Variants in RAB27B observed in about 807,000 individuals in gnomAD.
RAB27B encodes the protein RAB27B, member RAS oncogene family, also known as ras-related protein Rab-27B.
In RAB27B, 15 loss-of-function variants were observed where a neutral mutation model predicts 24.6. That is an observed-to-expected ratio of 0.61 (90% CI 0.41 to 0.94). RAB27B has a LOEUF of 0.94. Ranked by LOEUF, RAB27B falls within the 40% of genes least tolerant of loss-of-function variation. The pLI is 0.00. For synonymous variants in RAB27B, 105 were observed against 92.5 expected, an observed-to-expected ratio of 1.14 and a Z score of -0.78; for missense variants, 261 against 266.8, an observed-to-expected ratio of 0.98 and a Z score of 0.15.
At chr18:54,824,340 C>T (rs1568081715), upstream of RAB27B, among the ~76,000 whole-genome samples, 4 of 152,214 alleles carry the variant, frequency 2.6e-5, no homozygotes. Context: ...TTGCCTCTGA[C>T]TGATCTTTAA....
chr18:54,843,278 T>C (rs962028602), intron 1 of RAB27B, among the ~76,000 whole-genome samples: 1 of 152,170 alleles, frequency 6.6e-6, no homozygotes, highest in Non-Finnish European at 1.5e-5. Context: ...TAAATTACAA[T>C]AAATTAATGC....
intron 2 of RAB27B, among the ~76,000 whole-genome samples, chr18:54,776,756 T>C (rs1201083155): frequency 6.6e-6 from 1 of 152,188 alleles, no homozygotes; most frequent in Non-Finnish European, 1.5e-5. Flanking sequence ...CAGTGAAGGT[T>C]TGATGAATGA....
chr18:54,830,496 G>T (rs1190486030), intron 1 of RAB27B, among the ~76,000 whole-genome samples: 4 of 152,172 alleles, frequency 2.6e-5, no homozygotes, highest in Non-Finnish European at 4.4e-5. Flanking sequence ...TCTTAAGCAA[G>T]TAATTGTAAT....
chr18:54,881,166 A>G (rs1303330864), intron 3 of RAB27B, among the ~76,000 whole-genome samples: 4 of 152,290 alleles, frequency 2.6e-5, no homozygotes, highest in African/African-American at 9.6e-5. Context: ...TCATCACTCA[A>G]TGCGCTAGAA....
chr18:54,841,140 CTG>C (rs1380733360), intron 1 of RAB27B, among the ~76,000 whole-genome samples: 2 of 62,996 alleles, frequency 3.2e-5, no homozygotes, highest in African/African-American at 1.1e-4. Context: ...GAGAAAGACT[CTG>C]TCTTTGGGTG....
chr18:54,811,330 T>C (rs925550077), intron 2 of RAB27B, among the ~76,000 whole-genome samples: 96 of 152,294 alleles, frequency 6.3e-4, no homozygotes, highest in African/African-American at 2.2e-3. Context: ...TAAAGCTTGC[T>C]TTTATACATT....
chr18:54,873,012 C>T (rs1358239982), intron 1 of RAB27B, among the ~76,000 whole-genome samples: 3 of 152,186 alleles, frequency 2.0e-5, no homozygotes, highest in Non-Finnish European at 4.4e-5. Flanking sequence ...TGAGCAACTT[C>T]ATTTGAGATA....
chr18:54,841,912 A>G (rs954202285), intron 1 of RAB27B, among the ~76,000 whole-genome samples: 1 of 152,216 alleles, frequency 6.6e-6, no homozygotes, highest in South Asian at 2.1e-4. Context: ...ATAGAATAAA[A>G]TGGCTCACAA....
chr18:54,728,178 G>A (rs977770525), intron 2 of RAB27B, among the ~76,000 whole-genome samples: 1 of 152,150 alleles, frequency 6.6e-6, no homozygotes, highest in Non-Finnish European at 1.5e-5. Context: ...AAAAGCTCCA[G>A]AAAAATTCAC....
intron 2 of RAB27B, among the ~76,000 whole-genome samples, chr18:54,757,461 G>T (rs577264757): frequency 1.3e-5 from 2 of 152,184 alleles, no homozygotes; most frequent in South Asian, 4.1e-4. Context: ...ATCTTAATTT[G>T]AGAAACAACA....
chr18:54,863,059 A>G (rs930632658), intron 1 of RAB27B, among the ~76,000 whole-genome samples: 3 of 152,204 alleles, frequency 2.0e-5, no homozygotes, highest in Non-Finnish European at 4.4e-5. Context: ...TTGAATGTGT[A>G]GTGTTGTGGC....
chr18:54,751,978 G>T (rs2145033553), intron 2 of RAB27B, among the ~76,000 whole-genome samples: 1 of 152,204 alleles, frequency 6.6e-6, no homozygotes, highest in Middle Eastern at 3.4e-3. Flanking sequence ...GTCCTCAGTG[G>T]CCGCAACAGG....
intron 2 of RAB27B, among the ~76,000 whole-genome samples, chr18:54,816,598 A>G (rs12458327): frequency 0.041 from 6,247 of 152,324 alleles, 170 homozygotes; most frequent in Admixed American, 0.079. Flanking sequence ...GATAGTCTCA[A>G]AGAAAGTGAA....
At position 54,882,220 on chromosome 18, in the gene RAB27B, T is replaced by C. The variant is rs1912954065; in HGVS notation, c.240-2113T>C. On this transcript the variant is annotated intron_variant, in intron 3 of 5. Transcript: ENST00000262094. ...TGAAAATATCTCTTCTCCCATCTTT[T>C]GGTATGAAAAGTATCATTCTCTGTT... 2.0e-5 allele frequency among the ~76,000 whole-genome samples: 3 copies of C among 152,198 alleles called. No homozygotes were observed. The South Asian group carries it at 6.2e-4, about 31-fold the overall frequency.
chr18:54,801,090 G>T (rs1264254454), intron 2 of RAB27B, among the ~76,000 whole-genome samples: 2 of 133,852 alleles, frequency 1.5e-5, no homozygotes, highest in Non-Finnish European at 3.1e-5. Flanking sequence ...TAGGCTCACT[G>T]CAACCCCCGT....
At chr18:54,730,995 C>A (rs1264218482) in intron 2 of RAB27B, among the ~76,000 whole-genome samples, 1 of 152,008 alleles carries the variant, frequency 6.6e-6, no homozygotes, top group Non-Finnish European at 1.5e-5. Flanking sequence ...AAGTAATAGT[C>A]ATATGTATTT....
chr18:54,802,342 G>A (rs1294264691), intron 2 of RAB27B, among the ~76,000 whole-genome samples: 1 of 151,770 alleles, frequency 6.6e-6, no homozygotes, highest in Non-Finnish European at 1.5e-5. Context: ...AGTGCTTGGG[G>A]TACTGTCACT....
At chr18:54,856,311 G>T (rs947835054) in intron 1 of RAB27B, among the ~76,000 whole-genome samples, 5 of 152,158 alleles carry the variant, frequency 3.3e-5, no homozygotes, top group African/African-American at 1.2e-4. Context: ...GGTGAAACTT[G>T]GTTCCTTCAA....
chr18:54,744,220 T>C (rs1002034199), intron 2 of RAB27B, among the ~76,000 whole-genome samples: 3 of 152,228 alleles, frequency 2.0e-5, no homozygotes, highest in African/African-American at 7.2e-5. Flanking sequence ...CAGATTTGGA[T>C]GCTTAATATT....
Sources: allele counts gnomAD v4.1 joint callset (sites outside exome capture counted in the v4.1 genomes callset), GRCh38; gene constraint gnomAD v4.1.1; transcripts MANE v1.5; gene names NCBI Gene and HGNC (gene_info 2026-07-23, HGNC 2026-07-21).